Variants in PDE4D observed in about 807,000 individuals in gnomAD.
PDE4D encodes the protein 3',5'-cyclic-AMP phosphodiesterase 4D.
Under a neutral mutation model 87.4 loss-of-function variants are expected in PDE4D, and 24 were observed. The ratio of observed to expected loss-of-function variants is 0.27; its 90% CI spans 0.20 to 0.39. The LOEUF (loss-of-function observed/expected upper bound fraction) is 0.39. Ranked by LOEUF, PDE4D falls within the 10% of genes least tolerant of loss-of-function variation. PDE4D has a pLI of 1.00. For synonymous variants in PDE4D, 384 were observed against 383.2 expected (o/e 1.00, Z -0.02); for missense variants, 714 against 1,041.0 (o/e 0.69, Z 4.32).
chr5:60,157,916 CCTTCCT>C, intron 2 of PDE4D, among the ~76,000 whole-genome samples: 1 of 150,318 alleles, frequency 6.7e-6, no homozygotes, highest in Non-Finnish European at 1.5e-5. Flanking sequence ...TTCCTTCCTT[CCTTCCT>C]TCCCTCTCTT....
chr5:59,041,055 C>G lies in PDE4D; in HGVS notation c.809-2084G>C, dbSNP rs370822939. 1.8e-4 allele frequency among the ~76,000 whole-genome samples: 27 copies of G among 152,198 alleles called. No individual in the cohort carries two copies. The East Asian group carries it at 4.6e-3, about 26-fold the overall frequency. The stretch of plus-strand genomic sequence containing the variant: ...ATTTGCCTCTTTTTTGTTCTACTTC[C>G]TCCACCCCGCAGTCTATGTAAATAT... On this transcript the variant is annotated intron_variant, in intron 5 of 14. Transcript: ENST00000340635.
intron 1 of PDE4D, among the ~76,000 whole-genome samples, chr5:59,254,939 G>A (rs1320715898): frequency 6.6e-6 from 1 of 152,124 alleles, no homozygotes; most frequent in East Asian, 1.9e-4. Context: ...CATCAATAAT[G>A]ATGCAGCCAT....
intron 2 of PDE4D, among the ~76,000 whole-genome samples, chr5:60,053,599 C>A (rs1383874556): frequency 1.3e-5 from 2 of 152,138 alleles, no homozygotes; most frequent in African/African-American, 4.8e-5. Context: ...TAGAAGAAAA[C>A]CTAGGCAATA....
At chr5:60,299,762 T>C (rs1157983735) in intron 1 of PDE4D, among the ~76,000 whole-genome samples, 1 of 152,214 alleles carries the variant, frequency 6.6e-6, no homozygotes, top group Non-Finnish European at 1.5e-5. Flanking sequence ...TAGCATTCCA[T>C]GGTGTATATG....
At chr5:59,164,532 A>G (rs1781605269) in intron 5 of PDE4D, among the ~76,000 whole-genome samples, 1 of 152,220 alleles carries the variant, frequency 6.6e-6, no homozygotes, top group Non-Finnish European at 1.5e-5. Flanking sequence ...CAAGGCTCAG[A>G]GAATAACTTT....
intron 1 of PDE4D, among the ~76,000 whole-genome samples, chr5:59,822,186 T>C (rs567158120): frequency 6.6e-6 from 1 of 152,302 alleles, no homozygotes; most frequent in South Asian, 2.1e-4. Context: ...ATTTATATGT[T>C]ATTAGAAAGG....
At chr5:59,227,232 T>A (rs1753991366) in intron 1 of PDE4D, among the ~76,000 whole-genome samples, 1 of 152,032 alleles carries the variant, frequency 6.6e-6, no homozygotes. Flanking sequence ...GTTAACAAAG[T>A]GGGGCTCAAG....
chr5:59,625,112 G>A (rs777838930), intron 1 of PDE4D, among the ~76,000 whole-genome samples: 13 of 152,172 alleles, frequency 8.5e-5, no homozygotes, highest in Non-Finnish European at 1.3e-4. Flanking sequence ...ATCAGGGTGG[G>A]TCTAATCTAA....
rs369865148 is a variant in PDE4D, at chr5:59,842,542, G to T, written c.455+50626C>A. ...CTTCCTCATATTTTAAGTGGAATATGAATTTCCTAGAAATTTTACAATAAT... is the reference window on the plus strand; with the variant it reads ...CTTCCTCATATTTTAAGTGGAATATTAATTTCCTAGAAATTTTACAATAAT... On this transcript the variant is annotated intron_variant, in intron 1 of 14. Transcript: ENST00000340635. Among the ~76,000 whole-genome samples the T allele has an allele frequency of 5.9e-5, 9 of 151,964 alleles. No homozygotes were observed. The East Asian group carries it at 1.7e-3, about 30-fold the overall frequency.
intron 1 of PDE4D, among the ~76,000 whole-genome samples, chr5:59,856,934 C>T (rs575266811): frequency 3.5e-4 from 54 of 152,140 alleles, no homozygotes; most frequent in Middle Eastern, 3.4e-3. Context: ...TGGTAAAAGG[C>T]ACTAGATAAG....
intron 2 of PDE4D, among the ~76,000 whole-genome samples, chr5:60,005,101 A>G (rs1764349349): frequency 6.6e-6 from 1 of 152,170 alleles, no homozygotes; most frequent in South Asian, 2.1e-4. Context: ...GTGTATATAC[A>G]ATGGAATATT....
In PDE4D at chr5:60,430,039, A is replaced by G. The variant is rs1470235132; in HGVS notation, c.-90+57903T>C. On this transcript the variant is annotated intron_variant, in intron 1 of 16. Transcript: ENST00000502484. ...CAACCGAACATGGATACAGTATGAG[A>G]CGTTGCTTATTCCTTTGGCCCAGAC... 1.3e-5 allele frequency: 7 copies of G among 522,780 alleles called. No individual in the cohort carries two copies. The East Asian group carries it at 3.8e-4, about 28-fold the overall frequency. 32.4% of individuals were successfully genotyped at this position (522,780 alleles called of 1,614,324 possible).
chr5:59,564,863 C>G (rs1820619838), intron 1 of PDE4D, among the ~76,000 whole-genome samples: 1 of 152,078 alleles, frequency 6.6e-6, no homozygotes, highest in Non-Finnish European at 1.5e-5. Flanking sequence ...TGCACAGAAA[C>G]TAGGGATGCA....
chr5:59,495,185 G>T (rs1429833412), intron 1 of PDE4D, among the ~76,000 whole-genome samples: 1 of 152,110 alleles, frequency 6.6e-6, no homozygotes, highest in African/African-American at 2.4e-5. Context: ...CCACACTGAA[G>T]TCGGGCTTTC....
intron 1 of PDE4D, among the ~76,000 whole-genome samples, chr5:60,410,271 C>T (rs1222386766): frequency 6.6e-6 from 1 of 152,126 alleles, no homozygotes; most frequent in Non-Finnish European, 1.5e-5. Flanking sequence ...GAAGTGCGAT[C>T]AGTGGACACC....
intron 6 of PDE4D, among the ~76,000 whole-genome samples, chr5:59,003,097 A>G (rs1750877223): frequency 6.6e-6 from 1 of 152,148 alleles, no homozygotes; most frequent in Admixed American, 6.6e-5. Context: ...CAGGGCCAAA[A>G]TGCTGTAATT....
chr5:59,767,196 T>A (rs529740921), intron 1 of PDE4D, among the ~76,000 whole-genome samples: 21 of 152,288 alleles, frequency 1.4e-4, no homozygotes, highest in Admixed American at 6.5e-4. Flanking sequence ...TTTAGTTAGT[T>A]ATGGCAAAAC....
intron 1 of PDE4D, among the ~76,000 whole-genome samples, chr5:59,235,383 T>G (rs769710911): frequency 6.6e-6 from 1 of 152,184 alleles, no homozygotes; most frequent in African/African-American, 2.4e-5. Context: ...CATTGTTCAG[T>G]GGAATTCACA....
At chr5:59,787,293 C>T (rs933140486) in intron 1 of PDE4D, among the ~76,000 whole-genome samples, 4 of 152,196 alleles carry the variant, frequency 2.6e-5, no homozygotes, top group African/African-American at 9.7e-5. Flanking sequence ...TCTGGAGCTA[C>T]AGAAATTTAG....
Sources: allele counts gnomAD v4.1 joint callset (sites outside exome capture counted in the v4.1 genomes callset), GRCh38; gene constraint gnomAD v4.1.1; transcripts MANE v1.5; gene names NCBI Gene and HGNC (gene_info 2026-07-23, HGNC 2026-07-21).